FAM227B: variants seen among roughly 807,000 people sequenced by gnomAD.
FAM227B encodes family with sequence similarity 227 member B, also known as protein FAM227B.
FAM227B carries 88 observed loss-of-function variants against 73.8 expected under a neutral mutation model. That is an observed-to-expected ratio of 1.19 (90% CI 1.00 to 1.42). The LOEUF (loss-of-function observed/expected upper bound fraction) is 1.42. Ranked by LOEUF, FAM227B falls within the 40% of genes most tolerant of loss-of-function variation. FAM227B has a pLI of 0.00. For synonymous variants in FAM227B, 210 were observed against 190.5 expected (o/e 1.10, Z -0.84); for missense variants, 632 against 590.9 (o/e 1.07, Z -0.72).
intron 11 of FAM227B, among the ~76,000 whole-genome samples, chr15:49,475,112 C>T (rs1334276370): frequency 6.6e-6 from 1 of 152,008 alleles, no homozygotes; most frequent in Non-Finnish European, 1.5e-5. Flanking sequence ...AAAAATTGAT[C>T]AGTTTGATTA....
chr15:49,411,851 C>T (rs757301544), intron 11 of FAM227B, among the ~76,000 whole-genome samples: 16 of 151,972 alleles, frequency 1.1e-4, no homozygotes, highest in Non-Finnish European at 1.5e-4. Context: ...CAAAATTGTG[C>T]ACAAATAATA....
intron 13 of FAM227B, chr15:49,365,741 T>C (rs1278551081): frequency 1.1e-6 from 1 of 877,620 alleles, no homozygotes. Context: ...TCTTGTAAAA[T>C]CCAAGCCCAC....
At chr15:49,489,226 T>G (rs1251561686) in intron 11 of FAM227B, 1 of 984,614 alleles carries the variant, frequency 1.0e-6, no homozygotes, top group Non-Finnish European at 1.2e-6. Context: ...AGTCATAAAC[T>G]AGGTGTTTTT....
chr15:49,487,352 A>G (rs1469065424), intron 11 of FAM227B: 1 of 151,958 alleles, frequency 6.6e-6, no homozygotes, highest in East Asian at 1.9e-4. Context: ...ACATGAAATG[A>G]TAACAAAAGT....
At chr15:49,583,615 T>C (rs960148431) in intron 5 of FAM227B, among the ~76,000 whole-genome samples, 9 of 150,918 alleles carry the variant, frequency 6.0e-5, no homozygotes, top group African/African-American at 1.7e-4. Context: ...AGCCATTTTT[T>C]CATTCCTTTA....
chr15:49,500,404 C>T (rs956793379), intron 11 of FAM227B, among the ~76,000 whole-genome samples: 3 of 152,196 alleles, frequency 2.0e-5, no homozygotes, highest in Non-Finnish European at 4.4e-5. Flanking sequence ...GCCTTTGGTG[C>T]CCATCCTTTG....
intron 11 of FAM227B, among the ~76,000 whole-genome samples, chr15:49,404,101 G>A (rs987878055): frequency 6.6e-6 from 1 of 151,384 alleles, no homozygotes; most frequent in Non-Finnish European, 1.5e-5. Context: ...ATTTCTAACT[G>A]TATTGTGCTG....
chr15:49,524,493 C>A (rs2060011512), intron 10 of FAM227B, among the ~76,000 whole-genome samples: 1 of 152,166 alleles, frequency 6.6e-6, no homozygotes, highest in Non-Finnish European at 1.5e-5. Context: ...ACGGGAGGGA[C>A]CCTCATGGAG....
At chr15:49,583,574 G>C (rs1395557276) in intron 5 of FAM227B, among the ~76,000 whole-genome samples, 2 of 151,488 alleles carry the variant, frequency 1.3e-5, no homozygotes, top group African/African-American at 2.4e-5. Context: ...TGGGTAACCA[G>C]CAGCCCTTGG....
intron 14 of FAM227B, among the ~76,000 whole-genome samples, chr15:49,332,135 C>T (rs2038910450): frequency 6.6e-6 from 1 of 151,586 alleles, no homozygotes; most frequent in African/African-American, 2.4e-5. Flanking sequence ...AACAGTCATA[C>T]ACTTAGCAAG....
intron 14 of FAM227B, chr15:49,334,106 GT>G (rs1596242533): frequency 5.4e-6 from 1 of 184,744 alleles, no homozygotes; most frequent in African/African-American, 2.4e-5. Context: ...AAGTTAAAAT[GT>G]TACTCCAGAT....
intron 9 of FAM227B, among the ~76,000 whole-genome samples, chr15:49,549,147 A>C (rs899203857): frequency 6.6e-6 from 1 of 152,112 alleles, no homozygotes; most frequent in Non-Finnish European, 1.5e-5. Flanking sequence ...ACAGCTATAA[A>C]TATGCCTCTT....
chr15:49,486,412 C>T (rs1425143308), intron 11 of FAM227B: 1 of 151,918 alleles, frequency 6.6e-6, no homozygotes, highest in Admixed American at 6.6e-5. Flanking sequence ...TAACTGTAGT[C>T]TTGTGAGCAT....
intron 11 of FAM227B, among the ~76,000 whole-genome samples, chr15:49,493,202 G>A (rs1171975840): frequency 1.3e-5 from 2 of 151,812 alleles, no homozygotes; most frequent in Non-Finnish European, 2.9e-5. Flanking sequence ...CTCAATTCCT[G>A]TTTAGTTACC....
chr15:49,524,635 G>A (rs951622092), intron 10 of FAM227B, among the ~76,000 whole-genome samples: 2 of 152,218 alleles, frequency 1.3e-5, no homozygotes, highest in African/African-American at 2.4e-5. Flanking sequence ...TAGATCCACT[G>A]ACAGCCTTCA....
chr15:49,586,759 C>A (rs1339963453), intron 5 of FAM227B, among the ~76,000 whole-genome samples: 2 of 151,946 alleles, frequency 1.3e-5, no homozygotes, highest in Non-Finnish European at 2.9e-5. Context: ...ATATATGCAG[C>A]CAACAAACAT....
chr15:49,403,065 A>G (rs1319848332), intron 11 of FAM227B, among the ~76,000 whole-genome samples: 1 of 152,168 alleles, frequency 6.6e-6, no homozygotes, highest in East Asian at 1.9e-4. Context: ...AGTTCTGTTT[A>G]TGTGACGAAT....
At chr15:49,481,802 T>A (rs1297974840) in intron 11 of FAM227B, among the ~76,000 whole-genome samples, 5 of 152,166 alleles carry the variant, frequency 3.3e-5, no homozygotes, top group Non-Finnish European at 7.4e-5. Context: ...AATTTCTAGA[T>A]GAGTAGCTGT....
intron 11 of FAM227B, among the ~76,000 whole-genome samples, chr15:49,446,468 A>G (rs1408330758): frequency 2.6e-5 from 4 of 151,638 alleles, no homozygotes; most frequent in Admixed American, 2.6e-4. Context: ...AGGAGTGATA[A>G]GGAGACTGAA....
Sources: allele counts gnomAD v4.1 joint callset (sites outside exome capture counted in the v4.1 genomes callset), GRCh38; gene constraint gnomAD v4.1.1; transcripts MANE v1.5; gene names NCBI Gene and HGNC (gene_info 2026-07-23, HGNC 2026-07-21).